The following FRMD4B variants were observed in gnomAD, a reference collection of about 807,000 sequenced individuals.
The protein encoded by FRMD4B is FERM domain containing 4B.
Under a neutral mutation model 141.5 loss-of-function variants are expected in FRMD4B, and 74 were observed. That is an observed-to-expected ratio of 0.52 (90% CI 0.43 to 0.63). The LOEUF is 0.63. Among genes scored for constraint, FRMD4B ranks in the 30% least tolerant of loss-of-function variants. The pLI is 0.00. For missense variants in FRMD4B, 1,366 were observed against 1,253.4 expected (o/e 1.09, Z -1.36); for synonymous variants, 506 against 467.9 (o/e 1.08, Z -1.05).
intron 1 of FRMD4B, among the ~76,000 whole-genome samples, chr3:69,445,775 C>T (rs1008845008): frequency 6.6e-6 from 1 of 152,184 alleles, no homozygotes; most frequent in Non-Finnish European, 1.5e-5. Flanking sequence ...ACTCGCATGA[C>T]CTTCCCAGAT....
chr3:69,403,005 T>C (rs1704593173), intron 2 of FRMD4B, among the ~76,000 whole-genome samples: 1 of 152,190 alleles, frequency 6.6e-6, no homozygotes, highest in Non-Finnish European at 1.5e-5. Flanking sequence ...AAACAACATT[T>C]TATATCTGGA....
chr3:69,189,766 A>G, intron 18 of FRMD4B, 130 bp downstream of exon 18: 2 of 632,192 alleles, frequency 3.2e-6, no homozygotes, highest in Non-Finnish European at 5.6e-6. Context: ...ACCATTTTGC[A>G]TAAATGTAAG....
chr3:69,212,359 C>CAAAAAAAA (rs869309749), intron 11 of FRMD4B, among the ~76,000 whole-genome samples: 6 of 25,344 alleles, frequency 2.4e-4, no homozygotes, highest in Non-Finnish European at 2.6e-4. Context: ...AACCCCGTCT[C>CAAAAAAAA]AAAAAAAAAA....
intron 5 of FRMD4B, among the ~76,000 whole-genome samples, chr3:69,283,542 G>A (rs1213519486): frequency 1.3e-5 from 2 of 151,930 alleles, no homozygotes; most frequent in Admixed American, 1.3e-4. Context: ...ACAGAATTTA[G>A]CATGCAGAGG....
At chr3:69,510,418 C>T (rs1289300076) in intron 1 of FRMD4B, among the ~76,000 whole-genome samples, 1 of 152,084 alleles carries the variant, frequency 6.6e-6, no homozygotes, top group East Asian at 1.9e-4. Flanking sequence ...AATGAATTGC[C>T]TTTGTATTAC....
At chr3:69,442,720 G>A (rs1705359625) in intron 1 of FRMD4B, among the ~76,000 whole-genome samples, 1 of 152,160 alleles carries the variant, frequency 6.6e-6, no homozygotes, top group South Asian at 2.1e-4. Flanking sequence ...CCCAAGAAGA[G>A]GGCATTGCGG....
chr3:69,245,351 GTGTT>G (rs1480968963), intron 7 of FRMD4B, among the ~76,000 whole-genome samples: 32 of 139,620 alleles, frequency 2.3e-4, no homozygotes, highest in East Asian at 1.4e-3. Flanking sequence ...GTGTGTGTGT[GTGTT>G]TTTAGACAGA....
At chr3:69,338,017 T>C (rs1702611772) in intron 1 of FRMD4B, among the ~76,000 whole-genome samples, 1 of 152,212 alleles carries the variant, frequency 6.6e-6, no homozygotes, top group Non-Finnish European at 1.5e-5. Context: ...CGTATGTTTA[T>C]TGCAGCACTA....
At position 69,438,992 on chromosome 3, in the gene FRMD4B, T is replaced by C. The variant is rs191882876; in HGVS notation, c.-128-6231A>G. ...TATGTTAATTTCTCCAGTCCAATTC[T>C]TTCTTCATCTTCAGAAGCAACCATT... On this transcript the variant is annotated intron_variant, in intron 1 of 5. Transcript: ENST00000459638. 4.0e-3 allele frequency among the ~76,000 whole-genome samples: 608 copies of C among 152,324 alleles called. 3 individuals are homozygous for C. The highest frequency in any genetic ancestry group is 0.014 in the African/African-American group (579 of 41,576).
Position 69,426,364 on chromosome 3 carries a change from G to A in FRMD4B, c.-1+6270C>T, listed in dbSNP as rs1435264406. Among the ~76,000 whole-genome samples, 3 of 151,948 alleles carry A rather than the reference G, an allele frequency of 2.0e-5. No homozygotes were observed. The East Asian group carries it at 5.8e-4, about 29-fold the overall frequency. On this transcript the variant is annotated intron_variant, in intron 2 of 5. Coordinates refer to the FRMD4B transcript ENST00000459638. ...TGTGCATGTGTGTGTGTTGGGTAAA[G>A]GATTACGGAGATTAACATTCAAAAG...
At chr3:69,506,335 A>C (rs900402753) in intron 1 of FRMD4B, among the ~76,000 whole-genome samples, 1 of 151,974 alleles carries the variant, frequency 6.6e-6, no homozygotes, top group African/African-American at 2.4e-5. Flanking sequence ...AGGATATCCA[A>C]TTTCAACATA....
chr3:69,219,207 A>T (rs1253362948), intron 9 of FRMD4B, among the ~76,000 whole-genome samples: 1 of 151,502 alleles, frequency 6.6e-6, no homozygotes. Flanking sequence ...TAAAGCAACG[A>T]TGCCACTACT....
chr3:69,193,815 G>C lies in FRMD4B; in HGVS notation c.1547C>G (p.Ala516Gly), dbSNP rs2092868352. 2 of 1,613,578 alleles carry C rather than the reference G, an allele frequency of 1.2e-6. No homozygotes were observed. The highest frequency in any genetic ancestry group is 1.7e-6 in the Non-Finnish European group (2 of 1,179,668). The change falls in exon 17 of 23, where the codon GCT (alanine) becomes GGT (glycine). Residue 516 changes from alanine to glycine, a missense_variant. By Grantham distance (60) the Ala-to-Gly change is moderately conservative. Coordinates refer to ENST00000398540, the MANE Select transcript of FRMD4B (RefSeq NM_015123.3). ...TGGCTCATTGGCAAGTTTCTTTGCA[G>C]CTTCCACCAGCTTTTGTTGTATTAG... ...NFLIQQKLVE[A>G]AKKLANEPDL...
intron 1 of FRMD4B, among the ~76,000 whole-genome samples, chr3:69,366,710 C>T (rs182753183): frequency 2.8e-5 from 4 of 144,936 alleles, no homozygotes; most frequent in East Asian, 1.9e-4. Flanking sequence ...AGCACAAACA[C>T]GACCTTTTTT....
chr3:69,528,288 TTTCTTC>T (rs1480320599), intron 1 of FRMD4B, among the ~76,000 whole-genome samples: 81 of 145,340 alleles, frequency 5.6e-4, no homozygotes, highest in African/African-American at 2.0e-3. Context: ...CTTCCTTCCT[TTTCTTC>T]CTTCCTTCCT....
chr3:69,224,678 G>A lies in FRMD4B; in HGVS notation c.594C>T (p.Ala198=). The A allele has an allele frequency of 6.5e-7, 1 of 1,541,732 alleles. No individual in the cohort carries two copies. Among genetic ancestry groups the A allele is most frequent in the Non-Finnish European group, 8.9e-7 (1 of 1,125,318 alleles). ...AKGDYTSDEN[A]RKDLKTLPAF... ...CTGGTAATGTCTTTAAATCTTTCCT[G>A]GCATTTTCATCACTAAAAAGAAATG... Residue 198 remains alanine, a synonymous_variant, in exon 8 of 23, where the codon GCC becomes GCT. Transcript: ENST00000398540.
intron 5 of FRMD4B, among the ~76,000 whole-genome samples, chr3:69,266,255 G>A (rs2106895663): frequency 6.6e-6 from 1 of 152,144 alleles, no homozygotes; most frequent in East Asian, 1.9e-4. Context: ...AAGAACACAG[G>A]ATGTGACTTA....
intron 7 of FRMD4B, among the ~76,000 whole-genome samples, chr3:69,227,498 C>T (rs997557949): frequency 6.6e-6 from 1 of 151,946 alleles, no homozygotes; most frequent in Admixed American, 6.6e-5. Context: ...CCCGTCTCTA[C>T]TAAAAATACA....
Position 69,205,059 on chromosome 3 carries a change from C to CAAAAAAAAA in FRMD4B, c.877-6294_877-6286dup, listed in dbSNP as rs33955997. Among the ~76,000 whole-genome samples, 182 of 124,262 alleles carry CAAAAAAAAA rather than the reference C, an allele frequency of 1.5e-3. 2 individuals carry two copies. The highest frequency in any genetic ancestry group is 5.3e-3 in the African/African-American group (164 of 31,138). The allele number at this position is 124,262 out of a possible 152,430, so 81.5% of individuals were successfully genotyped here. ...GTATGGGTATCTGTTATGTTTTTAACAAAAAAAAAAAAAAAGAAAAAGAGA... is the reference window on the plus strand; with the variant it reads ...GTATGGGTATCTGTTATGTTTTTAACAAAAAAAAAAAAAAAAAAAAAAAAGAAAAAGAGA... On this transcript the variant is annotated intron_variant, in intron 11 of 22. Coordinates refer to ENST00000398540, the MANE Select transcript of FRMD4B (RefSeq NM_015123.3).
Sources: gnomAD v4.1 joint callset for allele counts (sites outside exome capture counted in the v4.1 genomes callset) on GRCh38, gnomAD v4.1.1 for gene constraint, MANE v1.5 for transcripts, NCBI Gene and HGNC (gene_info 2026-07-23, HGNC 2026-07-21) for gene names.